The following ESRRB variants were observed in gnomAD, a reference collection of about 807,000 sequenced individuals.
ESRRB encodes the protein estrogen related receptor beta.
In ESRRB, 16 loss-of-function variants were observed where a neutral mutation model predicts 46.0. That is an observed-to-expected ratio of 0.35 (90% CI 0.24 to 0.53). The LOEUF is 0.53. Ranked by LOEUF, ESRRB falls within the 20% of genes least tolerant of loss-of-function variation. The probability of loss-of-function intolerance (pLI) is 0.93; values close to 1 mark genes in which losing one functional copy is unlikely to be tolerated. For synonymous variants in ESRRB, 246 were observed against 259.6 expected (o/e 0.95, Z 0.50); for missense variants, 488 against 607.4 (o/e 0.80, Z 2.07).
intron 2 of ESRRB, among the ~76,000 whole-genome samples, chr14:76,445,475 AAAAAAAAAAAG>A (rs1035518091): frequency 2.4e-4 from 33 of 139,692 alleles, no homozygotes; most frequent in African/African-American, 8.1e-4. Context: ...TCAAAAAAAA[AAAAAAAAAAAG>A]AAAGAAAGAA....
chr14:76,474,535 C>T (rs1889497318), intron 3 of ESRRB, among the ~76,000 whole-genome samples: 1 of 152,292 alleles, frequency 6.6e-6, no homozygotes, highest in African/African-American at 2.4e-5. Context: ...ACATCAAACA[C>T]ATTCACAATA....
At chr14:76,389,592 A>G (rs1181665677) in intron 1 of ESRRB, among the ~76,000 whole-genome samples, 3 of 152,146 alleles carry the variant, frequency 2.0e-5, no homozygotes, top group Non-Finnish European at 4.4e-5. Flanking sequence ...GGAGCATTAT[A>G]TCCTTCTGGG....
At chr14:76,373,631 C>A (rs1010305681), upstream of ESRRB, among the ~76,000 whole-genome samples, 1 of 152,194 alleles carries the variant, frequency 6.6e-6, no homozygotes, top group Non-Finnish European at 1.5e-5. Context: ...TAGGGTGTCC[C>A]GGCGGCTGGC....
chr14:76,473,417 A>C (rs900082028), intron 3 of ESRRB, among the ~76,000 whole-genome samples: 1 of 152,204 alleles, frequency 6.6e-6, no homozygotes. Flanking sequence ...TCAGACCTGG[A>C]TAGTAGCTGA....
At chr14:76,434,827 T>G (rs1439251535) in intron 1 of ESRRB, among the ~76,000 whole-genome samples, 1 of 151,884 alleles carries the variant, frequency 6.6e-6, no homozygotes, top group East Asian at 1.9e-4. Flanking sequence ...AGAGGCAGAG[T>G]GCTGTGAAGC....
intron 3 of ESRRB, among the ~76,000 whole-genome samples, chr14:76,471,454 C>T (rs1290729566): frequency 1.3e-5 from 2 of 152,188 alleles, no homozygotes; most frequent in East Asian, 1.9e-4. Flanking sequence ...GCATGGTCTA[C>T]CCACTCCCTA....
At chr14:76,363,154 G>A (rs964021572) in intron 1 of ESRRB, among the ~76,000 whole-genome samples, 5 of 152,190 alleles carry the variant, frequency 3.3e-5, no homozygotes, top group Non-Finnish European at 7.4e-5. Flanking sequence ...GTTGATGTTG[G>A]AAGAAACGAA....
At chr14:76,318,021 C>T (rs1181804147) in intron 1 of ESRRB, among the ~76,000 whole-genome samples, 1 of 152,180 alleles carries the variant, frequency 6.6e-6, no homozygotes, top group South Asian at 2.1e-4. Flanking sequence ...CTATAAGCAC[C>T]TCTAGGGGTT....
chr14:76,333,588 A>G (rs1217747052), intron 1 of ESRRB, among the ~76,000 whole-genome samples: 1 of 148,286 alleles, frequency 6.7e-6, no homozygotes, highest in Admixed American at 7.0e-5. Flanking sequence ...TTTGCTTCCC[A>G]AAGTGTTGGG....
intron 1 of ESRRB, among the ~76,000 whole-genome samples, chr14:76,417,962 T>TC (rs1886777255): frequency 6.8e-6 from 1 of 147,732 alleles, no homozygotes; most frequent in South Asian, 2.2e-4. Context: ...TTTTTTTTTT[T>TC]TTTTTTGGTG....
intron 1 of ESRRB, among the ~76,000 whole-genome samples, chr14:76,403,574 G>A (rs766701899): frequency 2.0e-5 from 3 of 152,130 alleles, no homozygotes; most frequent in Non-Finnish European, 4.4e-5. Context: ...AGCTCAGGGT[G>A]TTCTGAGCCA....
chr14:76,392,556 G>A (rs1322585173), intron 1 of ESRRB, among the ~76,000 whole-genome samples: 1 of 152,134 alleles, frequency 6.6e-6, no homozygotes, highest in Admixed American at 6.5e-5. Context: ...AATTCCAGGG[G>A]CCCAGAAAAC....
rs541265132 is a variant in ESRRB at position 76,476,553 on chromosome 14, TC to T, written c.578-5461del. On this transcript the variant is annotated intron_variant, in intron 3 of 6. Transcript: ENST00000644823. ...AGTTAGTGTTTGTAAGTCTTAAGCA[TC>T]CTAATTTTAAAAGTAATTGCCCATT... Among the ~76,000 whole-genome samples the T allele has an allele frequency of 5.3e-4, 81 of 152,370 alleles. 1 individual carries two copies. The highest frequency in any genetic ancestry group is 1.9e-3 in the African/African-American group (77 of 41,600).
chr14:76,471,361 G>C (rs1360846697), intron 3 of ESRRB, among the ~76,000 whole-genome samples: 1 of 152,152 alleles, frequency 6.6e-6, no homozygotes, highest in Non-Finnish European at 1.5e-5. Flanking sequence ...GTAAGATTCT[G>C]TCATTTTGCT....
At chr14:76,311,762 C>A (rs950732649) in intron 1 of ESRRB, among the ~76,000 whole-genome samples, 1 of 152,118 alleles carries the variant, frequency 6.6e-6, no homozygotes, top group African/African-American at 2.4e-5. Context: ...TCAGACAATT[C>A]GAATAGTGTG....
Position 76,500,548 on chromosome 14 carries a change from G to C in ESRRB, c.*2090G>C, listed in dbSNP as rs1249551547. 3.9e-6 allele frequency: 3 copies of C among 778,974 alleles called. No homozygotes were observed. In the Admixed American group the frequency reaches 5.6e-5, roughly 14 times the overall value. The allele number at this position is 778,974 out of a possible 1,614,324, so 48.3% of individuals were successfully genotyped here. ...TCACAGTAGAGACCTTGGGGTGTGT[G>C]CTTTGGGACTCCCTCAGTCTCTCAC... is the stretch of plus-strand genomic sequence containing the variant. On this transcript the variant is annotated 3_prime_UTR_variant, in exon 7 of 7. Transcript: ENST00000644823.
intron 1 of ESRRB, among the ~76,000 whole-genome samples, chr14:76,349,071 C>T (rs546526291): frequency 1.4e-4 from 22 of 152,338 alleles, no homozygotes; most frequent in African/African-American, 4.8e-4. Flanking sequence ...GCTTCATCCT[C>T]AAATGTAATT....
Position 76,482,019 on chromosome 14 carries a change from T to G in ESRRB, c.581T>G (p.Val194Gly). The change falls in exon 4 of 7, where the codon GTG becomes GGG. Residue 194 changes from valine (V) to glycine (G), a missense_variant. Val to Gly is a moderately radical substitution (Grantham distance 109). Coordinates refer to ENST00000644823, the MANE Select transcript of ESRRB (RefSeq NM_001379180.1). The surrounding 1 kb of genome is among the most constrained non-coding windows in gnomAD (Gnocchi z 4.3). ...CLKVGMLKEG[V>G]RLDRVRGGRQ... ...TTTTCCCTTTCCTCCCCAATAGGTG[T>G]GCGCCTTGATCGAGTGCGTGGAGGC... 6.2e-7 allele frequency: 1 copy of G among 1,613,982 alleles called. No individual in the cohort carries two copies. The highest frequency in any genetic ancestry group is 8.5e-7 in the Non-Finnish European group (1 of 1,179,834).
At chr14:76,456,672 G>A (rs759297811) in intron 2 of ESRRB, among the ~76,000 whole-genome samples, 2 of 152,196 alleles carry the variant, frequency 1.3e-5, no homozygotes, top group Non-Finnish European at 2.9e-5. Context: ...GGTTCAGTTT[G>A]AGAAAGGTGA....
Sources: gnomAD v4.1 joint callset for allele counts (sites outside exome capture counted in the v4.1 genomes callset) on GRCh38, gnomAD v4.1.1 for gene constraint, Gnocchi (gnomAD v3.1) non-coding constraint, MANE v1.5 for transcripts, NCBI Gene and HGNC (gene_info 2026-07-23, HGNC 2026-07-21) for gene names.